Variants in SCO2 observed in about 807,000 individuals in gnomAD.
SCO2 encodes the protein synthesis of cytochrome C oxidase 2.
For synonymous variants in SCO2, 195 were observed against 148.6 expected, an observed-to-expected ratio of 1.31 and a Z score of -2.27; for missense variants, 429 against 348.7, an observed-to-expected ratio of 1.23 and a Z score of -1.83.
chr22:50,525,686 T>C, upstream of SCO2: 11 of 1,548,672 alleles, frequency 7.1e-6, no homozygotes, highest in East Asian at 9.7e-5. Flanking sequence ...GGGTCACGTG[T>C]TCATCGAGAC....
At position 50,525,493 on chromosome 22, in the gene SCO2, A is replaced by C; in HGVS notation, c.-35T>G. The C allele has an allele frequency of 2.0e-6, 1 of 511,732 alleles. No homozygotes were observed. Among genetic ancestry groups the C allele is most frequent in the Non-Finnish European group, 3.5e-6 (1 of 289,364 alleles). The allele number at this position is 511,732 out of a possible 1,614,324, so 31.7% of individuals were successfully genotyped here. On this transcript the variant is annotated 5_prime_UTR_variant, in exon 1 of 2. Transcript: ENST00000395693. ...GCACCTCGCGGCGGGGCCGCGCGTC[A>C]GTGGACCAAGCACGAGAGGAAGCGC...
chr22:50,526,003 C>A (rs2148676726), upstream of SCO2: 1 of 1,436,258 alleles, frequency 7.0e-7, no homozygotes, highest in Non-Finnish European at 9.1e-7. Flanking sequence ...GCGCTCACCA[C>A]GGCGCAGCCT....
intron 1 of SCO2, chr22:50,524,815 C>G (rs928593673): frequency 1.3e-5 from 5 of 382,670 alleles, no homozygotes; most frequent in African/African-American, 2.1e-5. Context: ...TCCCCGAGAG[C>G]AACCGATTCC....
chr22:50,525,584 C>T lies in SCO2; in HGVS notation c.-126G>A, dbSNP rs995836620. Reference sequence around the variant, plus strand: ...AAAGCGGGCGCCACACGCTCACAGGCAGGGCGCAGGCGTCCCCGGAGCTGC... The same window carrying T: ...AAAGCGGGCGCCACACGCTCACAGGTAGGGCGCAGGCGTCCCCGGAGCTGC... On this transcript the variant is annotated 5_prime_UTR_variant, in exon 1 of 2. Coordinates refer to ENST00000395693, the MANE Select transcript of SCO2 (RefSeq NM_005138.3). The T allele has an allele frequency of 4.1e-5, 36 of 875,566 alleles. No individual in the cohort carries two copies. The South Asian group carries it at 5.1e-4, about 12-fold the overall frequency. 54.2% of individuals were successfully genotyped at this position (875,566 alleles called of 1,614,324 possible). A position where few individuals can be genotyped will look rare whatever the true frequency, so the allele number is the denominator to read the frequency against.
Position 50,523,714 on chromosome 22 carries a change from G to A in SCO2, c.698C>T (p.Pro233Leu). ...GTAGTAATCCGTGAAGAGGCCGTCA[G>A]GGTTGAGCAGGTAGATGGCAATGGA... is the stretch of plus-strand genomic sequence containing the variant. ...DHSIAIYLLN[P>L]DGLFTDYYGR... The change falls in exon 2 of 2, where the codon CCT becomes CTT. Residue 233 changes from proline (P) to leucine (L), a missense_variant. Coordinates refer to ENST00000395693, the MANE Select transcript of SCO2 (RefSeq NM_005138.3). The A allele has an allele frequency of 6.2e-7, 1 of 1,614,190 alleles. No individual in the cohort carries two copies. Among genetic ancestry groups the A allele is most frequent in the Non-Finnish European group, 8.5e-7 (1 of 1,180,004 alleles).
chr22:50,523,833 G>A lies in SCO2; in HGVS notation c.579C>T (p.Gly193=), dbSNP rs774335166. 1.9e-6 allele frequency: 3 copies of A among 1,614,080 alleles called. No homozygotes were observed. In the South Asian group the frequency reaches 3.3e-5, roughly 18 times the overall value. ...TAGCCTGGGCAACCTGTTTGGTGGA[G>A]CCGGTCAGACCCAACAGTCTTGGGT... ...DFHPRLLGLT[G]STKQVAQASH... is the part of the protein sequence containing the mutation. Residue 193 remains glycine, a synonymous_variant, in exon 2 of 2, where the codon GGC becomes GGT. Coordinates refer to ENST00000395693, the MANE Select transcript of SCO2 (RefSeq NM_005138.3).
upstream of SCO2, chr22:50,525,606 C>T: frequency 2.8e-6 from 3 of 1,079,510 alleles, no homozygotes; most frequent in Non-Finnish European, 4.1e-6. Context: ...GTCCCCGGAG[C>T]TGCGCATGCG....
chr22:50,525,783 G>A (rs1245466741), upstream of SCO2: 3 of 1,610,866 alleles, frequency 1.9e-6, no homozygotes, highest in East Asian at 2.2e-5. Flanking sequence ...TTGCTGCGGC[G>A]GCAGAACGAG....
chr22:50,523,861 A>G lies in SCO2; in HGVS notation c.551T>C (p.Phe184Ser), dbSNP rs2069199371. The G allele has an allele frequency of 6.2e-7, 1 of 1,613,848 alleles. No homozygotes were observed. The highest frequency in any genetic ancestry group is 1.3e-5 in the African/African-American group (1 of 74,932). ...GGTCAGACCCAACAGTCTTGGGTGG[A>G]AGTCCTGGACGTAGCGGGCCATGGC... ...VEAMARYVQD[F>S]HPRLLGLTGS... The change falls in exon 2 of 2, where the codon TTC (phenylalanine) becomes TCC (serine). Residue 184 changes from phenylalanine to serine, a missense_variant. Transcript: ENST00000395693.
upstream of SCO2, chr22:50,526,051 A>T: frequency 6.7e-7 from 1 of 1,482,052 alleles, no homozygotes; most frequent in South Asian, 1.3e-5. Context: ...GCCCACCCCC[A>T]GGCGGAGCGG....
chr22:50,525,637 C>G (rs948756052), upstream of SCO2: 1 of 1,358,334 alleles, frequency 7.4e-7, no homozygotes, highest in African/African-American at 1.5e-5. Flanking sequence ...CAGCCGCTGA[C>G]AGGCTCTCAG....
At chr22:50,525,877 T>G (rs2069335150), upstream of SCO2, 1 of 1,589,028 alleles carries the variant, frequency 6.3e-7, no homozygotes, top group African/African-American at 1.4e-5. Flanking sequence ...TGCGGGCCGC[T>G]GAGCGCGGGG....
chr22:50,526,380 C>T (rs766092528), upstream of SCO2: 8 of 1,529,286 alleles, frequency 5.2e-6, no homozygotes, highest in African/African-American at 1.0e-4. Flanking sequence ...CCGCTCGAAG[C>T]GGCCAAGGGC....
upstream of SCO2, chr22:50,525,851 C>T (rs760974151): frequency 1.6e-5 from 25 of 1,604,838 alleles, no homozygotes; most frequent in Non-Finnish European, 2.0e-5. Flanking sequence ...CGAGCGCCTC[C>T]TGCAGGGCGC....
chr22:50,524,782 G>A, intron 1 of SCO2: 1 of 418,766 alleles, frequency 2.4e-6, no homozygotes, highest in East Asian at 6.7e-5. Context: ...TTAAAAGGAG[G>A]TGGGTAACTC....
upstream of SCO2, chr22:50,526,348 C>G (rs1603441846): frequency 3.9e-6 from 6 of 1,554,576 alleles, no homozygotes; most frequent in East Asian, 2.5e-5. Context: ...AGACCGGGAT[C>G]CACGCCCTGC....
In SCO2 at chr22:50,524,273, C is replaced by T. The variant is rs1363331043; in HGVS notation, c.139G>A (p.Gly47Ser). 1 of 1,604,244 alleles carries T rather than the reference C, an allele frequency of 6.2e-7. No individual in the cohort carries two copies. The highest frequency in any genetic ancestry group is 1.3e-5 in the African/African-American group (1 of 75,044). Reference sequence around the variant, plus strand: ...GGGCCCTGGGGCTGGCCCTGCCCACCTGTCTCTGCAGGGCCCTGCCTTGAC... The same window carrying T: ...GGGCCCTGGGGCTGGCCCTGCCCACTTGTCTCTGCAGGGCCCTGCCTTGAC... ...LLSRQGPAET[G>S]GQGQPQGPGL... is the part of the protein sequence containing the mutation. The change falls in exon 2 of 2, where the codon GGT (glycine) becomes AGT (serine). Residue 47 changes from glycine (G) to serine (S), a missense_variant. By Grantham distance (56) the Gly-to-Ser change is moderately conservative. Coordinates refer to ENST00000395693, the MANE Select transcript of SCO2 (RefSeq NM_005138.3).
Position 50,525,493 on chromosome 22 carries a change from A to G in SCO2, c.-35T>C, listed in dbSNP as rs953028941. On this transcript the variant is annotated 5_prime_UTR_variant, in exon 1 of 2. Coordinates refer to ENST00000395693, the MANE Select transcript of SCO2 (RefSeq NM_005138.3). Reference sequence around the variant, plus strand: ...GCACCTCGCGGCGGGGCCGCGCGTCAGTGGACCAAGCACGAGAGGAAGCGC... The same window carrying G: ...GCACCTCGCGGCGGGGCCGCGCGTCGGTGGACCAAGCACGAGAGGAAGCGC... 7.8e-6 allele frequency: 4 copies of G among 511,622 alleles called. No homozygotes were observed. Among genetic ancestry groups the G allele is most frequent in the Non-Finnish European group, 1.4e-5 (4 of 289,376 alleles). 31.7% of individuals were successfully genotyped at this position (511,622 alleles called of 1,614,324 possible). A position where few individuals can be genotyped will look rare whatever the true frequency, so the allele number is the denominator to read the frequency against.
In SCO2 at chr22:50,524,435, G is replaced by C. The variant is rs771483421; in HGVS notation, c.-13-11C>G. The C allele has an allele frequency of 6.2e-7, 1 of 1,609,154 alleles. No homozygotes were observed. The highest frequency in any genetic ancestry group is 1.1e-5 in the South Asian group (1 of 90,778). ...ATGGATCTGATGCTCCTGGAAACAA[G>C]CACAGGCGTCAGGAGCCAGAAGGGA... On this transcript the variant is annotated splice_polypyrimidine_tract_variant and intron_variant, in intron 1 of 1. Transcript: ENST00000395693.
Sources: allele counts gnomAD v4.1 joint callset, GRCh38; gene constraint gnomAD v4.1.1; transcripts MANE v1.5; gene names NCBI Gene and HGNC (gene_info 2026-07-23, HGNC 2026-07-21).